NEGR1: variants seen among roughly 807,000 people sequenced by gnomAD.
NEGR1 encodes the protein IgLON family member 4.
In NEGR1, 10 loss-of-function variants were observed where a neutral mutation model predicts 40.9. The ratio of observed to expected loss-of-function variants is 0.24; its 90% CI spans 0.15 to 0.42. The LOEUF (loss-of-function observed/expected upper bound fraction) is 0.42, where lower values mean the gene tolerates loss of function less well. Among genes scored for constraint, NEGR1 ranks in the 10% least tolerant of loss-of-function variants. NEGR1 has a pLI of 1.00. For synonymous variants in NEGR1, 185 were observed against 166.8 expected (o/e 1.11, Z -0.84); for missense variants, 352 against 438.9 (o/e 0.80, Z 1.77).
chr1:71,408,881 A>G lies in NEGR1; in HGVS notation c.941-1311T>C, dbSNP rs191602163. On this transcript the variant is annotated intron_variant, in intron 6 of 6. Transcript: ENST00000357731. ...CAGATAGTTTTAATGAAATGTTCAC[A>G]AATGACTATATTGCTACGTAACAAG... 8.1e-4 allele frequency: 124 copies of G among 152,156 alleles called. 1 individual carries two copies. Among genetic ancestry groups the G allele is most frequent in the Admixed American group, 1.6e-3 (25 of 15,256 alleles). The allele number at this position is 152,156 out of a possible 1,614,324, so 9.4% of individuals were successfully genotyped here.
At chr1:71,994,559 A>C (rs1464104951) in intron 1 of NEGR1, among the ~76,000 whole-genome samples, 3 of 150,958 alleles carry the variant, frequency 2.0e-5, no homozygotes, top group Non-Finnish European at 3.0e-5. Flanking sequence ...AAAAAAAAAA[A>C]CACTCATCAC....
At position 72,151,360 on chromosome 1, in the gene NEGR1, G is replaced by C. The variant is rs147774062; in HGVS notation, c.176+130959C>G. Among the ~76,000 whole-genome samples, 1,301 of 151,318 alleles carry C rather than the reference G, an allele frequency of 8.6e-3. 20 individuals carry two copies. The highest frequency in any genetic ancestry group is 0.03 in the African/African-American group (1,238 of 41,364). On this transcript the variant is annotated intron_variant, in intron 1 of 6. Coordinates refer to ENST00000357731, the MANE Select transcript of NEGR1 (RefSeq NM_173808.3). ...ATTTTAGGCATTATACTAAGCAACGGAGATATAATGTTTTTTGTTTTTGAT... is the reference window on the plus strand; with the variant it reads ...ATTTTAGGCATTATACTAAGCAACGCAGATATAATGTTTTTTGTTTTTGAT...
At chr1:72,148,576 T>C (rs1650998164) in intron 1 of NEGR1, among the ~76,000 whole-genome samples, 1 of 152,128 alleles carries the variant, frequency 6.6e-6, no homozygotes, top group African/African-American at 2.4e-5. Flanking sequence ...TTTTCTGAAA[T>C]TTTATGCTCT....
chr1:71,785,161 C>T (rs1226011730), intron 2 of NEGR1, among the ~76,000 whole-genome samples: 1 of 152,146 alleles, frequency 6.6e-6, no homozygotes, highest in East Asian at 1.9e-4. Context: ...AAAATCAGGA[C>T]CTTAATAGCA....
chr1:72,149,179 G>GA (rs1651023395), intron 1 of NEGR1, among the ~76,000 whole-genome samples: 1 of 152,026 alleles, frequency 6.6e-6, no homozygotes, highest in Non-Finnish European at 1.5e-5. Context: ...GGGGCAGCAA[G>GA]AAAAAAAGTG....
intron 6 of NEGR1, among the ~76,000 whole-genome samples, chr1:71,484,053 T>A (rs894570455): frequency 5.9e-5 from 9 of 151,668 alleles, no homozygotes; most frequent in African/African-American, 2.2e-4. Context: ...CTAGGTAAAC[T>A]CATCAATATT....
At chr1:72,053,673 T>C (rs1468796244) in intron 1 of NEGR1, among the ~76,000 whole-genome samples, 5 of 151,214 alleles carry the variant, frequency 3.3e-5, no homozygotes, top group Admixed American at 2.6e-4. Context: ...ATTATATCTA[T>C]AATTAGCTAA....
At chr1:72,048,557 G>A (rs1436135145) in intron 1 of NEGR1, among the ~76,000 whole-genome samples, 1 of 151,470 alleles carries the variant, frequency 6.6e-6, no homozygotes, top group Admixed American at 6.6e-5. Context: ...CTAAATAATT[G>A]ATAAATCGGG....
intron 6 of NEGR1, among the ~76,000 whole-genome samples, chr1:71,479,000 A>G (rs553517984): frequency 6.6e-6 from 1 of 152,078 alleles, no homozygotes; most frequent in Admixed American, 6.6e-5. Context: ...TTAAGATTTC[A>G]TCTGACACTT....
intron 1 of NEGR1, among the ~76,000 whole-genome samples, chr1:72,167,172 T>A (rs1216361166): frequency 2.0e-5 from 3 of 152,082 alleles, no homozygotes; most frequent in African/African-American, 7.2e-5. Context: ...GAAAAAAACA[T>A]TTTGTCAGGG....
At chr1:72,023,055 T>C (rs892592449) in intron 1 of NEGR1, among the ~76,000 whole-genome samples, 2 of 152,184 alleles carry the variant, frequency 1.3e-5, no homozygotes, top group African/African-American at 2.4e-5. Flanking sequence ...AAAGACTTGA[T>C]GAAGTATGAA....
chr1:71,583,916 A>G (rs1309378832), intron 6 of NEGR1, among the ~76,000 whole-genome samples: 1 of 152,192 alleles, frequency 6.6e-6, no homozygotes, highest in Non-Finnish European at 1.5e-5. Context: ...AGATTATGCA[A>G]CTATCTAAAA....
intron 5 of NEGR1, among the ~76,000 whole-genome samples, chr1:71,603,400 T>C (rs1570094193): frequency 6.6e-6 from 1 of 152,220 alleles, no homozygotes; most frequent in African/African-American, 2.4e-5. Flanking sequence ...TAATGTAAAA[T>C]CTAGAAGAGA....
At chr1:71,830,621 T>C (rs1305209490) in intron 2 of NEGR1, among the ~76,000 whole-genome samples, 1 of 151,760 alleles carries the variant, frequency 6.6e-6, no homozygotes, top group Admixed American at 6.6e-5. Context: ...AGTTCAATGT[T>C]AGTAAGAGTC....
intron 1 of NEGR1, among the ~76,000 whole-genome samples, chr1:72,088,923 T>A (rs182817659): frequency 3.3e-5 from 5 of 151,010 alleles, no homozygotes; most frequent in African/African-American, 1.2e-4. Flanking sequence ...GATTGTCCCT[T>A]CTCAGTGTCC....
At chr1:71,558,237 G>C (rs1648316290) in intron 6 of NEGR1, among the ~76,000 whole-genome samples, 1 of 151,486 alleles carries the variant, frequency 6.6e-6, no homozygotes, top group Admixed American at 6.6e-5. Context: ...CAAAGGGATA[G>C]GAATTAAGCT....
chr1:71,928,507 CATGTGT>C (rs1645821985), intron 2 of NEGR1, among the ~76,000 whole-genome samples: 1 of 106,386 alleles, frequency 9.4e-6, no homozygotes, highest in Non-Finnish European at 2.0e-5. Flanking sequence ...CATATGTATA[CATGTGT>C]ATATATATAC....
chr1:72,271,938 T>A (rs1271460887), intron 1 of NEGR1, among the ~76,000 whole-genome samples: 2 of 151,844 alleles, frequency 1.3e-5, no homozygotes, highest in African/African-American at 4.8e-5. Context: ...GCTTTTTGCC[T>A]CCTGCCATGA....
intron 2 of NEGR1, among the ~76,000 whole-genome samples, chr1:71,847,505 T>A (rs1246156835): frequency 6.6e-6 from 1 of 152,194 alleles, no homozygotes; most frequent in Non-Finnish European, 1.5e-5. Flanking sequence ...ATACGTGTTT[T>A]AGTGATTTGT....
Sources: allele counts gnomAD v4.1 joint callset (sites outside exome capture counted in the v4.1 genomes callset), GRCh38; gene constraint gnomAD v4.1.1; transcripts MANE v1.5; gene names NCBI Gene and HGNC (gene_info 2026-07-23, HGNC 2026-07-21).